Variants in KCNIP4 observed in about 807,000 individuals in gnomAD.
KCNIP4 encodes Kv channel-interacting protein 4.
A neutral mutation model predicts 34.0 loss-of-function variants in KCNIP4; 12 were observed. That is an observed-to-expected ratio of 0.35 (90% confidence interval 0.23 to 0.57). KCNIP4 has a LOEUF of 0.57. Ranked by LOEUF, KCNIP4 falls within the 20% of genes least tolerant of loss-of-function variation. KCNIP4 has a pLI of 0.83. For missense variants in KCNIP4, 238 were observed against 311.7 expected (o/e 0.76, Z 1.78); for synonymous variants, 124 against 102.2 (o/e 1.21, Z -1.29).
At chr4:21,439,479 A>G (rs1727254479) in intron 1 of KCNIP4, among the ~76,000 whole-genome samples, 1 of 152,060 alleles carries the variant, frequency 6.6e-6, no homozygotes, top group South Asian at 2.1e-4. Flanking sequence ...CCCCTTCCCA[A>G]CCTCTCTTCC....
chr4:21,636,143 G>C (rs111536952), intron 1 of KCNIP4, among the ~76,000 whole-genome samples: 1 of 114,822 alleles, frequency 8.7e-6, no homozygotes, highest in Non-Finnish European at 1.7e-5. Context: ...CTGTTGTGGG[G>C]TGGGGGGAGG....
chr4:21,304,123 GGAGAGA>G (rs961045711), intron 1 of KCNIP4: 6 of 514,582 alleles, frequency 1.2e-5, no homozygotes, highest in African/African-American at 6.8e-5. Flanking sequence ...GGAGAGAGAG[GGAGAGA>G]GAGAGAGAAG....
intron 1 of KCNIP4, among the ~76,000 whole-genome samples, chr4:21,494,563 A>G (rs1342860283): frequency 2.0e-5 from 3 of 152,070 alleles, no homozygotes; most frequent in Non-Finnish European, 4.4e-5. Flanking sequence ...CCATGAGGTC[A>G]GGAGTTCGAG....
intron 1 of KCNIP4, among the ~76,000 whole-genome samples, chr4:20,895,699 G>A (rs1726440096): frequency 6.6e-6 from 1 of 152,136 alleles, no homozygotes; most frequent in Non-Finnish European, 1.5e-5. Context: ...CAGGCACCCG[G>A]GAAGAAAATC....
intron 3 of KCNIP4, among the ~76,000 whole-genome samples, chr4:20,837,677 TATATA>T (rs1719212079): frequency 1.2e-5 from 1 of 81,296 alleles, no homozygotes; most frequent in Admixed American, 1.2e-4. Flanking sequence ...TATATATATA[TATATA>T]TATATTTTTT....
At chr4:20,896,850 A>G (rs1433961840) in intron 1 of KCNIP4, among the ~76,000 whole-genome samples, 1 of 152,218 alleles carries the variant, frequency 6.6e-6, no homozygotes, top group Non-Finnish European at 1.5e-5. Flanking sequence ...CCCCTACTGT[A>G]TATAGAACAA....
chr4:21,719,704 T>G (rs1407288418), intron 1 of KCNIP4, among the ~76,000 whole-genome samples: 1 of 152,072 alleles, frequency 6.6e-6, no homozygotes, highest in Admixed American at 6.6e-5. Context: ...GGCTCAAGCC[T>G]GTAATCCCAG....
In KCNIP4 at chr4:21,759,993, TAAAG is replaced by T. The variant is rs368076180; in HGVS notation, c.61+188574_61+188577del. ...TAAATATTCTGTTATAGCTAACTGA[TAAAG>T]AAAGAACTACAGGTCTCCAACTACT... On this transcript the variant is annotated intron_variant, in intron 1 of 8. Transcript: ENST00000382152. Among the ~76,000 whole-genome samples the T allele has an allele frequency of 3.7e-3, 556 of 152,182 alleles. 2 individuals are homozygous for T. The highest frequency in any genetic ancestry group is 0.013 in the African/African-American group (525 of 41,538).
chr4:21,063,109 C>T (rs1235560833), intron 1 of KCNIP4, among the ~76,000 whole-genome samples: 3 of 152,098 alleles, frequency 2.0e-5, no homozygotes, highest in Non-Finnish European at 4.4e-5. Context: ...TTACCATGAG[C>T]ATATCAGGCT....
At chr4:21,336,740 T>A (rs1271912466) in intron 1 of KCNIP4, among the ~76,000 whole-genome samples, 5 of 152,190 alleles carry the variant, frequency 3.3e-5, no homozygotes, top group African/African-American at 1.2e-4. Context: ...CCTCTTCAAG[T>A]CTCAGTTTCT....
At chr4:20,849,123 T>C (rs1234667444) in intron 3 of KCNIP4, among the ~76,000 whole-genome samples, 4 of 152,152 alleles carry the variant, frequency 2.6e-5, no homozygotes, top group South Asian at 2.1e-4. Flanking sequence ...TTTATTTGTA[T>C]GTATTGTCTT....
At chr4:21,351,092 T>C (rs1023901912) in intron 1 of KCNIP4, among the ~76,000 whole-genome samples, 2 of 152,276 alleles carry the variant, frequency 1.3e-5, no homozygotes, top group South Asian at 2.1e-4. Context: ...ATATTAATGA[T>C]AATTAGGCTG....
At chr4:21,483,214 C>T (rs887692229) in intron 1 of KCNIP4, among the ~76,000 whole-genome samples, 2 of 149,782 alleles carry the variant, frequency 1.3e-5, no homozygotes, top group Admixed American at 6.7e-5. Context: ...TACCCTACAA[C>T]TTAAAGTATA....
Position 20,770,890 on chromosome 4 carries a change from A to G in KCNIP4, c.289-12000T>C, listed in dbSNP as rs555163576. On this transcript the variant is annotated intron_variant, in intron 3 of 8. Coordinates refer to ENST00000382152, the MANE Select transcript of KCNIP4 (RefSeq NM_025221.6). ...GCAGAGGTTGCAGTGAGCCGAGATC[A>G]TGCCATTGCACTCCAGCCTGGGAGA... Among the ~76,000 whole-genome samples, 25 of 152,262 alleles carry G rather than the reference A, an allele frequency of 1.6e-4. No individual in the cohort carries two copies. The South Asian group carries it at 5.2e-3, about 32-fold the overall frequency.
At chr4:20,912,729 G>T (rs1728444685) in intron 1 of KCNIP4, among the ~76,000 whole-genome samples, 1 of 152,088 alleles carries the variant, frequency 6.6e-6, no homozygotes, top group Admixed American at 6.5e-5. Flanking sequence ...AAAGAAATTT[G>T]AATAGGTTTA....
At chr4:21,822,500 T>C (rs1722416727) in intron 1 of KCNIP4, among the ~76,000 whole-genome samples, 1 of 152,196 alleles carries the variant, frequency 6.6e-6, no homozygotes, top group Admixed American at 6.5e-5. Flanking sequence ...CCTATTTTTA[T>C]ACTTAAATTT....
At chr4:21,889,678 A>T (rs1726979888) in intron 1 of KCNIP4, among the ~76,000 whole-genome samples, 1 of 152,164 alleles carries the variant, frequency 6.6e-6, no homozygotes, top group Non-Finnish European at 1.5e-5. Flanking sequence ...GAACATGTAA[A>T]GGTTTTCGAG....
intron 1 of KCNIP4, among the ~76,000 whole-genome samples, chr4:21,661,914 G>T (rs1748483505): frequency 1.3e-5 from 2 of 152,162 alleles, no homozygotes; most frequent in South Asian, 4.1e-4. Flanking sequence ...TAAAAAATTA[G>T]CTTAGATCGG....
At chr4:21,146,312 G>A (rs930860667) in intron 1 of KCNIP4, among the ~76,000 whole-genome samples, 3 of 152,080 alleles carry the variant, frequency 2.0e-5, no homozygotes, top group Non-Finnish European at 2.9e-5. Flanking sequence ...GCAGGAGAAT[G>A]GGGTGAACCC....
Sources: gnomAD v4.1 joint callset for allele counts (sites outside exome capture counted in the v4.1 genomes callset) on GRCh38, gnomAD v4.1.1 for gene constraint, MANE v1.5 for transcripts, NCBI Gene and HGNC (gene_info 2026-07-23, HGNC 2026-07-21) for gene names.